The following TASP1 variants were observed in gnomAD, a reference collection of about 807,000 sequenced individuals.
TASP1 encodes taspase 1, also known as threonine aspartase 1.
TASP1 carries 16 observed loss-of-function variants against 56.6 expected under a neutral mutation model. The ratio of observed to expected loss-of-function variants is 0.28; its 90% CI spans 0.19 to 0.43. TASP1 has a LOEUF of 0.43. Ranked by LOEUF, TASP1 falls within the 20% of genes least tolerant of loss-of-function variation. The probability of loss-of-function intolerance (pLI) is 1.00; values close to 1 mark genes in which losing one functional copy is unlikely to be tolerated. For synonymous variants in TASP1, 179 were observed against 184.2 expected (o/e 0.97, Z 0.23); for missense variants, 393 against 511.6 (o/e 0.77, Z 2.24).
intron 5 of TASP1, among the ~76,000 whole-genome samples, chr20:13,583,661 A>T (rs2047202920): frequency 6.6e-6 from 1 of 152,256 alleles, no homozygotes. Flanking sequence ...TGAGAATTAA[A>T]TGATTTAAAA....
the TASP1 span, among the ~76,000 whole-genome samples, chr20:13,108,165 A>G: frequency 1.3e-5 from 2 of 152,194 alleles, no homozygotes; most frequent in Non-Finnish European, 2.9e-5. Flanking sequence ...CTGATATTGC[A>G]CTATCAAATT....
the TASP1 span, among the ~76,000 whole-genome samples, chr20:13,220,603 C>G: frequency 6.6e-6 from 1 of 152,258 alleles, no homozygotes; most frequent in Non-Finnish European, 1.5e-5. Context: ...CAGCCAACAC[C>G]TGCGCCCGTG....
At chr20:13,585,021 C>A (rs1279697581) in intron 5 of TASP1, among the ~76,000 whole-genome samples, 1 of 152,060 alleles carries the variant, frequency 6.6e-6, no homozygotes, top group Non-Finnish European at 1.5e-5. Flanking sequence ...AAAAAAAGTA[C>A]CCAACTCATT....
intron 4 of TASP1, among the ~76,000 whole-genome samples, chr20:13,592,600 T>C (rs2047575012): frequency 6.6e-6 from 1 of 152,204 alleles, no homozygotes; most frequent in African/African-American, 2.4e-5. Flanking sequence ...ACTCTTCTTT[T>C]ACATTCCTAA....
At chr20:13,164,334 C>T in the TASP1 span, 3 of 471,874 alleles carry the variant, frequency 6.4e-6, no homozygotes, top group South Asian at 4.6e-5. Context: ...GCTCCCGCAA[C>T]ATTCCTCTTT....
rs768822035 is a variant in TASP1, at chr20:13,630,123, T to C, written c.-45A>G. ...CTACTGAGAAAGGGGCATACTTCCA[T>C]CCAAAAGTAATTGCAGGAGAGGAAT... On this transcript the variant is annotated 5_prime_UTR_variant, in exon 2 of 14. The change abolishes an upstream ATG in the 5' untranslated region. Transcript: ENST00000337743. The C allele has an allele frequency of 8.2e-5, 129 of 1,577,888 alleles. No homozygotes were observed. The highest frequency in any genetic ancestry group is 1.1e-4 in the Non-Finnish European group (123 of 1,165,988).
the TASP1 span, among the ~76,000 whole-genome samples, chr20:13,277,287 A>AC: frequency 6.6e-6 from 1 of 152,204 alleles, no homozygotes; most frequent in Non-Finnish European, 1.5e-5. Flanking sequence ...AGTGTTGGGC[A>AC]CATTCCCTCT....
At chr20:13,267,496 G>A in the TASP1 span, among the ~76,000 whole-genome samples, 3 of 152,138 alleles carry the variant, frequency 2.0e-5, no homozygotes, top group African/African-American at 7.2e-5. Flanking sequence ...CAAGTATCTT[G>A]ACTAATCCTG....
At chr20:13,430,432 C>T (rs2042766548) in intron 12 of TASP1, among the ~76,000 whole-genome samples, 1 of 152,112 alleles carries the variant, frequency 6.6e-6, no homozygotes. Flanking sequence ...TCTCTGAGGC[C>T]GTTGGCAGGA....
chr20:13,106,276 G>C, the TASP1 span, among the ~76,000 whole-genome samples: 1 of 152,146 alleles, frequency 6.6e-6, no homozygotes, highest in African/African-American at 2.4e-5. Flanking sequence ...ATTAGGTAAT[G>C]ATTGAGCCTA....
At chr20:13,329,197 A>G in the TASP1 span, among the ~76,000 whole-genome samples, 1 of 152,158 alleles carries the variant, frequency 6.6e-6, no homozygotes, top group Non-Finnish European at 1.5e-5. Flanking sequence ...AAAAAAATTT[A>G]TATGTTGAGA....
rs6042203 is a variant in TASP1 at position 13,534,129 on chromosome 20, C to T, written c.688G>A (p.Gly230Ser). Residue 230 changes from glycine to serine, a missense_variant, in exon 9 of 14, where the codon GGC becomes AGC. Transcript: ENST00000337743. Reference protein sequence around the residue: ...RQSSEKENDSGTLDTVGAVVV... With the variant: ...RQSSEKENDSSTLDTVGAVVV... ...ACAGCGCCTACCGTGTCCAAAGTGC[C>T]TGAGTCATTTTCCTGCAGAGCAAAA... 1 of 1,613,442 alleles carries T rather than the reference C, an allele frequency of 6.2e-7. No homozygotes were observed. The highest frequency in any genetic ancestry group is 8.5e-7 in the Non-Finnish European group (1 of 1,179,624).
chr20:13,328,882 G>A, the TASP1 span, among the ~76,000 whole-genome samples: 14 of 152,234 alleles, frequency 9.2e-5, no homozygotes, highest in South Asian at 8.3e-4. Flanking sequence ...GGGATAATCC[G>A]TGCAGCAAAC....
intron 13 of TASP1, among the ~76,000 whole-genome samples, chr20:13,410,495 A>AT (rs2123709288): frequency 6.6e-6 from 1 of 152,130 alleles, no homozygotes; most frequent in Non-Finnish European, 1.5e-5. Flanking sequence ...GACCTGCTAT[A>AT]TTTTGTCTTT....
intron 4 of TASP1, among the ~76,000 whole-genome samples, 179 bp downstream of exon 4, chr20:13,623,267 T>C (rs2048780506): frequency 1.3e-5 from 2 of 152,172 alleles, no homozygotes. Flanking sequence ...GCTTTTATAT[T>C]ACTCAGAAAA....
At chr20:13,565,450 C>T (rs558674832) in intron 7 of TASP1, among the ~76,000 whole-genome samples, 8 of 152,188 alleles carry the variant, frequency 5.3e-5, no homozygotes, top group East Asian at 3.9e-4. Context: ...CAAGTCATAT[C>T]GGATAAGTGT....
chr20:13,248,987 T>C, the TASP1 span, among the ~76,000 whole-genome samples: 186 of 152,324 alleles, frequency 1.2e-3, 3 homozygotes, highest in African/African-American at 4.4e-3. Flanking sequence ...AAAAGCTGTT[T>C]ATCTTTAGGT....
chr20:13,242,617 C>A, the TASP1 span, among the ~76,000 whole-genome samples: 1 of 152,198 alleles, frequency 6.6e-6, no homozygotes, highest in Admixed American at 6.5e-5. Flanking sequence ...GCTGGGGGAG[C>A]CATGATGGGA....
intron 12 of TASP1, among the ~76,000 whole-genome samples, chr20:13,422,440 T>C (rs535452342): frequency 2.3e-4 from 35 of 152,298 alleles, no homozygotes; most frequent in Non-Finnish European, 3.8e-4. Flanking sequence ...CATTGCTGCA[T>C]ATATAGATGT....
Sources: gnomAD v4.1 joint callset for allele counts (sites outside exome capture counted in the v4.1 genomes callset) on GRCh38, gnomAD v4.1.1 for gene constraint, MANE v1.5 for transcripts, NCBI Gene and HGNC (gene_info 2026-07-23, HGNC 2026-07-21) for gene names.